CHD9: variants seen among roughly 807,000 people sequenced by gnomAD.
CHD9 encodes ATP-dependent chromatin remodeler CHD9.
A neutral mutation model predicts 316.1 loss-of-function variants in CHD9; 77 were observed. The ratio of observed to expected loss-of-function variants is 0.24; its 90% CI spans 0.20 to 0.29. The LOEUF is 0.29. CHD9 is among the 10% of genes least tolerant of loss of function. The pLI, the probability that CHD9 is intolerant of heterozygous loss-of-function variation, is 1.00. For synonymous variants in CHD9, 1,129 were observed against 1,158.3 expected (o/e 0.97, Z 0.51); for missense variants, 2,763 against 3,438.1 (o/e 0.80, Z 4.91).
chr16:53,159,057 T>C (rs892588797), intron 2 of CHD9, among the ~76,000 whole-genome samples: 2 of 152,156 alleles, frequency 1.3e-5, no homozygotes, highest in African/African-American at 4.8e-5. Context: ...AGAGGATTGC[T>C]TGAGACCAGG....
At chr16:53,131,264 C>T (rs1475514173) in intron 1 of CHD9, 3 of 150,314 alleles carry the variant, frequency 2.0e-5, no homozygotes, top group Non-Finnish European at 4.4e-5. Context: ...GGGGGCGCCT[C>T]AGTCATGGCG....
intron 22 of CHD9, among the ~76,000 whole-genome samples, chr16:53,271,742 C>T (rs777746794): frequency 2.0e-5 from 3 of 151,756 alleles, no homozygotes; most frequent in Non-Finnish European, 2.9e-5. Context: ...ACAGTGAAAG[C>T]AGAAGCCTAT....
At chr16:53,149,156 A>G (rs2040880248) in intron 1 of CHD9, among the ~76,000 whole-genome samples, 2 of 152,122 alleles carry the variant, frequency 1.3e-5, no homozygotes, top group Non-Finnish European at 2.9e-5. Flanking sequence ...ATGTTTTAAG[A>G]ATTGTTTTGT....
At chr16:53,256,977 C>T (rs750175856) in intron 19 of CHD9, among the ~76,000 whole-genome samples, 13 of 151,854 alleles carry the variant, frequency 8.6e-5, no homozygotes, top group Non-Finnish European at 1.8e-4. Flanking sequence ...AGGTATTTTG[C>T]TAAATGCCAG....
At chr16:53,172,266 T>C (rs1317703951) in intron 2 of CHD9, among the ~76,000 whole-genome samples, 1 of 152,222 alleles carries the variant, frequency 6.6e-6, no homozygotes, top group Non-Finnish European at 1.5e-5. Flanking sequence ...CTGGAATTTA[T>C]ATATAAATGG....
intron 1 of CHD9, among the ~76,000 whole-genome samples, chr16:53,090,931 T>TGCAGGGATAAGTCTA (rs6145838): frequency 1.6e-4 from 24 of 151,464 alleles, no homozygotes; most frequent in African/African-American, 5.8e-4. Flanking sequence ...CTGCCCACCA[T>TGCAGGGATAAGTCTA]GCTCTCACAC....
chr16:53,205,043 T>C (rs1026097422), intron 2 of CHD9, among the ~76,000 whole-genome samples: 1 of 152,160 alleles, frequency 6.6e-6, no homozygotes, highest in African/African-American at 2.4e-5. Context: ...GGTTTCACCA[T>C]GTTGGCCAAG....
intron 1 of CHD9, among the ~76,000 whole-genome samples, chr16:53,098,726 A>C (rs2036587149): frequency 6.6e-6 from 1 of 152,182 alleles, no homozygotes; most frequent in South Asian, 2.1e-4. Flanking sequence ...TTTTTCTAGC[A>C]ATCTACATGA....
chr16:53,227,093 T>C (rs975319973), intron 5 of CHD9: 1 of 234,650 alleles, frequency 4.3e-6, no homozygotes, highest in African/African-American at 2.4e-5. Flanking sequence ...TTTCCTAATC[T>C]GTAAAATGGA....
intron 1 of CHD9, among the ~76,000 whole-genome samples, chr16:53,076,607 T>A (rs375558931): frequency 2.1e-4 from 32 of 150,576 alleles, no homozygotes; most frequent in Middle Eastern, 3.4e-3. Flanking sequence ...AAAGAAAAAA[T>A]ATATATATAT....
At position 53,274,313 on chromosome 16, in the gene CHD9, C is replaced by T; in HGVS notation, c.4967+11C>T. The T allele has an allele frequency of 6.6e-7, 1 of 1,514,686 alleles. No homozygotes were observed. The highest frequency in any genetic ancestry group is 9.0e-7 in the Non-Finnish European group (1 of 1,115,402). The allele number at this position is 1,514,686 out of a possible 1,614,324, so 93.8% of individuals were successfully genotyped here. On this transcript the variant is annotated intron_variant, in intron 24 of 38. Transcript: ENST00000447540. ...TGGAGTTGATGCAAGGTAAGTTAAA[C>T]AATTTTTATTATTTTTGTTTGTTTG... is the stretch of plus-strand genomic sequence containing the variant.
At chr16:53,155,718 A>G (rs1347021386) in intron 1 of CHD9, among the ~76,000 whole-genome samples, 1 of 152,110 alleles carries the variant, frequency 6.6e-6, no homozygotes, top group Non-Finnish European at 1.5e-5. Context: ...CCCACCCACC[A>G]TGCCACCAGC....
At chr16:53,243,298 C>T (rs944151407) in intron 13 of CHD9, among the ~76,000 whole-genome samples, 1 of 151,870 alleles carries the variant, frequency 6.6e-6, no homozygotes, top group Non-Finnish European at 1.5e-5. Context: ...GAAAATAAGA[C>T]CGTAAGTTTT....
chr16:53,155,754 C>G (rs943606553), intron 1 of CHD9, among the ~76,000 whole-genome samples, 172 bp from the exon 2 acceptor site: 1 of 152,154 alleles, frequency 6.6e-6, no homozygotes, highest in South Asian at 2.1e-4. Flanking sequence ...AATCTATTTT[C>G]TCTCTATATA....
At chr16:53,228,445 G>A (rs1229675411) in intron 7 of CHD9, among the ~76,000 whole-genome samples, 1 of 151,630 alleles carries the variant, frequency 6.6e-6, no homozygotes, top group Non-Finnish European at 1.5e-5. Flanking sequence ...TTTGGATAAA[G>A]GTCAGGTAAC....
In CHD9 at chr16:53,226,448, G is replaced by T. The variant is rs1284341312; in HGVS notation, c.1979G>T (p.Gly660Val). 3.1e-6 allele frequency: 5 copies of T among 1,606,544 alleles called. No individual in the cohort carries two copies. Among genetic ancestry groups the T allele is most frequent in the Non-Finnish European group, 4.2e-6 (5 of 1,177,962 alleles). Residue 660 changes from glycine to valine, a missense_variant, in exon 5 of 39, where the codon GGT becomes GTT. This residue lies in a region of CHD9 where 859 missense variants were observed against 890.4 expected (regional missense o/e 0.96). Coordinates refer to ENST00000447540, the MANE Select transcript of CHD9 (RefSeq NM_001308319.2). ...EGKQSEEEVK[G>V]SMKIKKNSAP... ...AAGCAATCTGAAGAAGAGGTTAAAGGTTCTATGAAAATAAAAAAGAATTCA... is the reference window on the plus strand; with the variant it reads ...AAGCAATCTGAAGAAGAGGTTAAAGTTTCTATGAAAATAAAAAAGAATTCA...
At chr16:53,219,513 G>C (rs1430928200) in intron 3 of CHD9, among the ~76,000 whole-genome samples, 1 of 152,162 alleles carries the variant, frequency 6.6e-6, no homozygotes, top group Non-Finnish European at 1.5e-5. Flanking sequence ...AGGCGTAGAT[G>C]CAGGAAGAAG....
intron 19 of CHD9, among the ~76,000 whole-genome samples, chr16:53,256,185 C>A (rs910884953): frequency 2.6e-5 from 4 of 151,812 alleles, no homozygotes; most frequent in Non-Finnish European, 4.4e-5. Context: ...TAAATCTGGC[C>A]GGGCGAGGTG....
intron 34 of CHD9, among the ~76,000 whole-genome samples, chr16:53,313,210 A>C (rs1031554082): frequency 6.7e-6 from 1 of 149,818 alleles, no homozygotes; most frequent in African/African-American, 2.5e-5. Flanking sequence ...AGGTTGGGGC[A>C]GGAATGGACT....
Sources: gnomAD v4.1 joint callset for allele counts (sites outside exome capture counted in the v4.1 genomes callset) on GRCh38, gnomAD v4.1.1 for gene constraint, gnomAD v4.1.1 regional missense constraint, MANE v1.5 for transcripts, NCBI Gene and HGNC (gene_info 2026-07-23, HGNC 2026-07-21) for gene names.